NIPAL2: variants seen among roughly 807,000 people sequenced by gnomAD.
The protein encoded by NIPAL2 is NIPA like domain containing 2, also known as NIPA-like protein 2.
NIPAL2 carries 43 observed loss-of-function variants against 48.9 expected under a neutral mutation model. The observed-to-expected ratio is 0.88, with a 90% CI of 0.69 to 1.13. NIPAL2 has a LOEUF of 1.13. Ranked by LOEUF, NIPAL2 falls within the 50% of genes most tolerant of loss-of-function variation. The pLI is 0.00. For missense variants in NIPAL2, 446 were observed against 461.4 expected (o/e 0.97, Z 0.31); for synonymous variants, 167 against 174.6 (o/e 0.96, Z 0.34).
At chr8:98,269,690 A>C (rs1032638721) in intron 1 of NIPAL2, among the ~76,000 whole-genome samples, 3 of 151,902 alleles carry the variant, frequency 2.0e-5, no homozygotes, top group South Asian at 2.1e-4. Context: ...TTATTTATTT[A>C]TTTCCATTTT....
chr8:98,273,459 T>C lies in NIPAL2; in HGVS notation c.136-19372A>G, dbSNP rs75388335. On this transcript the variant is annotated intron_variant, in intron 1 of 10. Transcript: ENST00000430223. Reference sequence around the variant, plus strand: ...TAATTGTGGTGATAGTTGCATAACTTTGTGATATACTAAAAACCGAAAGAT... The same window carrying C: ...TAATTGTGGTGATAGTTGCATAACTCTGTGATATACTAAAAACCGAAAGAT... Among the ~76,000 whole-genome samples, 1,371 of 152,166 alleles carry C rather than the reference T, an allele frequency of 9.0e-3. 29 individuals carry two copies. Among genetic ancestry groups the C allele is most frequent in the African/African-American group, 0.032 (1,317 of 41,512 alleles).
At chr8:98,282,730 A>T (rs1815916653) in intron 1 of NIPAL2, among the ~76,000 whole-genome samples, 1 of 152,194 alleles carries the variant, frequency 6.6e-6, no homozygotes, top group Non-Finnish European at 1.5e-5. Context: ...CATTGGAGAC[A>T]ATCTGAACTA....
intron 9 of NIPAL2, among the ~76,000 whole-genome samples, chr8:98,195,201 G>A (rs1435088798): frequency 1.3e-5 from 2 of 152,298 alleles, no homozygotes; most frequent in Admixed American, 6.5e-5. Context: ...GGCCATAAGA[G>A]TAGTCATAAT....
chr8:98,290,482 T>C (rs1452241167), intron 1 of NIPAL2, among the ~76,000 whole-genome samples: 1 of 152,194 alleles, frequency 6.6e-6, no homozygotes. Context: ...TTCTGTCCAT[T>C]CTCTCTACAA....
At chr8:98,264,941 C>A (rs1407138377) in intron 1 of NIPAL2, among the ~76,000 whole-genome samples, 1 of 149,494 alleles carries the variant, frequency 6.7e-6, no homozygotes. Context: ...AGATATAGAT[C>A]AATGGAACAG....
intron 5 of NIPAL2, 129 bp downstream of exon 5, chr8:98,222,350 G>T: frequency 1.0e-6 from 1 of 1,003,572 alleles, no homozygotes; most frequent in Non-Finnish European, 1.4e-6. Context: ...TTTGGTATTG[G>T]TCAAATACAT....
chr8:98,292,096 G>A (rs1442516984), intron 1 of NIPAL2, among the ~76,000 whole-genome samples: 1 of 152,316 alleles, frequency 6.6e-6, no homozygotes, highest in East Asian at 1.9e-4. Flanking sequence ...AAAACCAATG[G>A]AGGCAAGCAA....
At chr8:98,280,769 G>T (rs1419130281) in intron 1 of NIPAL2, among the ~76,000 whole-genome samples, 93 of 81,940 alleles carry the variant, frequency 1.1e-3, no homozygotes, top group South Asian at 3.1e-3. Flanking sequence ...TATAGAGAGA[G>T]AGAGAGAGAG....
At chr8:98,274,030 TAATTATTTCTAATTTTATTA>T (rs982372664) in intron 1 of NIPAL2, among the ~76,000 whole-genome samples, 10 of 152,228 alleles carry the variant, frequency 6.6e-5, no homozygotes, top group South Asian at 2.1e-4. Context: ...GTTGCCACTT[TAATTATTTCTAATTTTATTA>T]AATTATTTCT....
At chr8:98,214,561 T>G (rs574380919) in intron 5 of NIPAL2, among the ~76,000 whole-genome samples, 55 of 148,660 alleles carry the variant, frequency 3.7e-4, no homozygotes, top group African/African-American at 1.3e-3. Flanking sequence ...CTAATTTTTT[T>G]TCTTTTTTTT....
At chr8:98,219,785 TAAAC>T (rs1203905902) in intron 5 of NIPAL2, among the ~76,000 whole-genome samples, 1 of 152,164 alleles carries the variant, frequency 6.6e-6, no homozygotes, top group Non-Finnish European at 1.5e-5. Context: ...CTCCTCCTAA[TAAAC>T]AAATCTGACC....
chr8:98,288,183 T>G (rs1196203378), intron 1 of NIPAL2, among the ~76,000 whole-genome samples: 1 of 147,868 alleles, frequency 6.8e-6, no homozygotes, highest in East Asian at 2.0e-4. Context: ...AATGCTATCC[T>G]TCTCCCCTCC....
chr8:98,192,287 C>T lies in NIPAL2; in HGVS notation c.*691G>A, dbSNP rs1482054689. On this transcript the variant is annotated 3_prime_UTR_variant, in exon 11 of 11. Coordinates refer to ENST00000430223, the MANE Select transcript of NIPAL2 (RefSeq NM_001321635.2). ...TCTCTGCATTGTTCCTATTTTAGTA[C>T]ATGGGCTACTGAAACAAGCAGAGTC... 6.6e-6 allele frequency: 1 copy of T among 152,196 alleles called. No individual in the cohort carries two copies. Among genetic ancestry groups the T allele is most frequent in the Non-Finnish European group, 1.5e-5 (1 of 68,042 alleles). 9.4% of individuals were successfully genotyped at this position (152,196 alleles called of 1,614,324 possible).
intron 10 of NIPAL2, among the ~76,000 whole-genome samples, chr8:98,194,470 C>T (rs1370030011): frequency 6.6e-6 from 1 of 152,000 alleles, no homozygotes; most frequent in African/African-American, 2.4e-5. Context: ...TTAAGGAAAC[C>T]CAAAAAGGAA....
chr8:98,284,073 C>T (rs1298924476), intron 1 of NIPAL2, among the ~76,000 whole-genome samples: 1 of 152,212 alleles, frequency 6.6e-6, no homozygotes, highest in African/African-American at 2.4e-5. Context: ...CCCAAGCCCA[C>T]TATTCCTGGC....
chr8:98,265,147 C>G (rs1190895652), intron 1 of NIPAL2, among the ~76,000 whole-genome samples: 2 of 141,388 alleles, frequency 1.4e-5, no homozygotes, highest in African/African-American at 5.3e-5. Context: ...GGATTAAAGA[C>G]TTAAACGTTA....
intron 1 of NIPAL2, among the ~76,000 whole-genome samples, chr8:98,271,405 C>A (rs1815115880): frequency 6.6e-6 from 1 of 152,128 alleles, no homozygotes; most frequent in African/African-American, 2.4e-5. Context: ...TTGTAGAGAT[C>A]TTTCATCTCC....
chr8:98,196,151 A>T (rs1254941612), intron 8 of NIPAL2, 146 bp from the exon 9 acceptor site: 1 of 489,428 alleles, frequency 2.0e-6, no homozygotes, highest in African/African-American at 2.0e-5. Flanking sequence ...AGTTTAGTTT[A>T]AGAAAATTTG....
intron 5 of NIPAL2, among the ~76,000 whole-genome samples, chr8:98,217,776 A>G (rs576809407): frequency 6.6e-6 from 1 of 152,350 alleles, no homozygotes; most frequent in East Asian, 1.9e-4. Flanking sequence ...ATGCTATGTT[A>G]TAAATACCTG....
Sources: allele counts gnomAD v4.1 joint callset (sites outside exome capture counted in the v4.1 genomes callset), GRCh38; gene constraint gnomAD v4.1.1; transcripts MANE v1.5; gene names NCBI Gene and HGNC (gene_info 2026-07-23, HGNC 2026-07-21).